Variants in COL5A1 observed in about 807,000 individuals in gnomAD.
The protein encoded by COL5A1 is collagen type V alpha 1 chain.
Under a neutral mutation model 263.7 loss-of-function variants are expected in COL5A1, and 16 were observed. The observed-to-expected ratio is 0.06, with a 90% CI of 0.04 to 0.09. The LOEUF is 0.09. Ranked by LOEUF, COL5A1 falls within the 10% of genes least tolerant of loss-of-function variation. The probability of loss-of-function intolerance (pLI) is 1.00; values close to 1 mark genes in which losing one functional copy is unlikely to be tolerated. For missense variants in COL5A1, 2,036 were observed against 2,540.5 expected (o/e 0.80, Z 4.27); for synonymous variants, 1,012 against 1,004.5 (o/e 1.01, Z -0.14).
intron 25 of COL5A1, among the ~76,000 whole-genome samples, chr9:134,768,668 C>T (rs773616806): frequency 2.6e-5 from 4 of 152,188 alleles, no homozygotes; most frequent in Non-Finnish European, 5.9e-5. Flanking sequence ...TTTTAATCAA[C>T]GAGTGGCGAT....
chr9:134,720,649 C>T (rs993059932), intron 4 of COL5A1, among the ~76,000 whole-genome samples: 9 of 152,098 alleles, frequency 5.9e-5, no homozygotes, highest in Admixed American at 1.3e-4. Flanking sequence ...TCGTGAGCTT[C>T]GGGCAGAGCT....
At chr9:134,724,970 C>T (rs1236998895) in intron 4 of COL5A1, among the ~76,000 whole-genome samples, 1 of 152,118 alleles carries the variant, frequency 6.6e-6, no homozygotes, top group Non-Finnish European at 1.5e-5. Context: ...CCTGACCCTG[C>T]AGCCCGCTGG....
intron 4 of COL5A1, among the ~76,000 whole-genome samples, chr9:134,723,393 T>A (rs547590109): frequency 5.9e-5 from 9 of 152,316 alleles, no homozygotes; most frequent in African/African-American, 2.2e-4. Context: ...CTGGGCCTGA[T>A]GCCTGCAGGG....
At position 134,790,605 on chromosome 9, in the gene COL5A1, C is replaced by CCCACCCAT. The variant is rs775802212; in HGVS notation, c.2700+1400_2700+1401insCCCATCCA. On this transcript the variant is annotated intron_variant, in intron 32 of 65. Coordinates refer to ENST00000371817, the MANE Select transcript of COL5A1 (RefSeq NM_000093.5). ...ATCCATCCATCTATCCATCCACCCA[C>CCCACCCAT]CCATCCATCCATCCATCCATCCATC... 3.1e-3 allele frequency among the ~76,000 whole-genome samples: 264 copies of CCCACCCAT among 84,538 alleles called. 5 individuals are homozygous for CCCACCCAT. The highest frequency in any genetic ancestry group is 0.014 in the African/African-American group (243 of 17,140). The allele number at this position is 84,538 out of a possible 152,430, so 55.5% of individuals were successfully genotyped here.
At chr9:134,729,571 A>T (rs147984305) in intron 6 of COL5A1, among the ~76,000 whole-genome samples, 257 of 40,700 alleles carry the variant, frequency 6.3e-3, no homozygotes, top group South Asian at 0.014. Flanking sequence ...TGTGTGTGTG[A>T]GCGTGTGTGA....
intron 42 of COL5A1, among the ~76,000 whole-genome samples, chr9:134,807,547 C>G (rs985788516): frequency 2.6e-5 from 4 of 152,208 alleles, no homozygotes; most frequent in Non-Finnish European, 4.4e-5. Flanking sequence ...CCCGCCTCAG[C>G]CTCCCAAGGT....
At chr9:134,720,653 C>T (rs1037836914) in intron 4 of COL5A1, among the ~76,000 whole-genome samples, 1 of 152,152 alleles carries the variant, frequency 6.6e-6, no homozygotes, top group Non-Finnish European at 1.5e-5. Context: ...GAGCTTCGGG[C>T]AGAGCTGTGT....
At chr9:134,781,249 T>A (rs976449032) in intron 28 of COL5A1, among the ~76,000 whole-genome samples, 7 of 152,260 alleles carry the variant, frequency 4.6e-5, no homozygotes, top group African/African-American at 1.7e-4. Flanking sequence ...GTTCTTAGTG[T>A]CTGCCCTTGT....
chr9:134,747,855 A>G (rs111163487), intron 11 of COL5A1, among the ~76,000 whole-genome samples: 81 of 147,306 alleles, frequency 5.5e-4, no homozygotes, highest in Middle Eastern at 3.7e-3. Flanking sequence ...GCACACATGC[A>G]TTCATACACA....
At chr9:134,759,797 A>C (rs1588513373) in intron 18 of COL5A1, among the ~76,000 whole-genome samples, 1 of 86,732 alleles carries the variant, frequency 1.2e-5, no homozygotes, top group Non-Finnish European at 2.4e-5. Flanking sequence ...ATGCACACAC[A>C]CCACACATGC....
intron 4 of COL5A1, among the ~76,000 whole-genome samples, chr9:134,714,790 G>T (rs2132607264): frequency 8.2e-6 from 1 of 121,924 alleles, no homozygotes; most frequent in Middle Eastern, 5.6e-3. Flanking sequence ...GGTGGTGGAG[G>T]TGATTGTGGT....
chr9:134,822,031 AG>A (rs2132874233), intron 58 of COL5A1, 65 bp from the exon 59 acceptor site: 1 of 1,407,160 alleles, frequency 7.1e-7, no homozygotes, highest in Non-Finnish European at 1.0e-6. Context: ...GCTGGGTAGC[AG>A]GGTTGCAGCC....
intron 39 of COL5A1, among the ~76,000 whole-genome samples, chr9:134,804,123 GAAGA>G (rs944712600): frequency 2.0e-5 from 3 of 152,084 alleles, no homozygotes; most frequent in African/African-American, 7.2e-5. Context: ...TGAAGCAAAT[GAAGA>G]AATACTGAAA....
At position 134,703,261 on chromosome 9, in the gene COL5A1, C is replaced by T. The variant is rs139692914; in HGVS notation, c.654+1928C>T. ...GCTATTGAGACACACCCTCCGGGCA[C>T]ACTTCTGAACAGACCTGCCTAGGCG... On this transcript the variant is annotated intron_variant, in intron 4 of 65. Coordinates refer to ENST00000371817, the MANE Select transcript of COL5A1 (RefSeq NM_000093.5). Among the ~76,000 whole-genome samples the T allele has an allele frequency of 4.7e-3, 711 of 152,326 alleles. 6 individuals carry two copies. Among genetic ancestry groups the T allele is most frequent in the Middle Eastern group, 0.01 (3 of 294 alleles).
chr9:134,652,100 G>A lies in COL5A1; in HGVS notation c.109+9804G>A, dbSNP rs1232429311. Among the ~76,000 whole-genome samples, 1 of 152,152 alleles carries A rather than the reference G, an allele frequency of 6.6e-6. No individual in the cohort carries two copies. The highest frequency in any genetic ancestry group is 1.5e-5 in the Non-Finnish European group (1 of 68,022). ...ACAGAGTGTTCCCGCGGTCGAGGTGGGGTGAAGGGCGTTCTCGAGGGAAGG... is the reference window on the plus strand; with the variant it reads ...ACAGAGTGTTCCCGCGGTCGAGGTGAGGTGAAGGGCGTTCTCGAGGGAAGG... On this transcript the variant is annotated intron_variant, in intron 1 of 65. Coordinates refer to ENST00000371817, the MANE Select transcript of COL5A1 (RefSeq NM_000093.5). The surrounding 1 kb of genome is among the most constrained non-coding windows in gnomAD (Gnocchi z 4.4).
chr9:134,753,352 G>A (rs1323142945), intron 14 of COL5A1, among the ~76,000 whole-genome samples: 5 of 152,170 alleles, frequency 3.3e-5, no homozygotes, highest in African/African-American at 1.2e-4. Context: ...CTGGGGAGGA[G>A]TGTGGGTTTG....
chr9:134,733,929 G>T (rs1834997706), intron 9 of COL5A1, among the ~76,000 whole-genome samples: 1 of 152,240 alleles, frequency 6.6e-6, no homozygotes, highest in South Asian at 2.1e-4. Flanking sequence ...GGGGGTCCTT[G>T]CTCGGGGAGG....
At chr9:134,769,379 C>G (rs1406220055) in intron 25 of COL5A1, among the ~76,000 whole-genome samples, 1 of 152,240 alleles carries the variant, frequency 6.6e-6, no homozygotes, top group Non-Finnish European at 1.5e-5. Context: ...CCGTGGTCAC[C>G]TGGCCACATG....
chr9:134,763,641 T>G, intron 19 of COL5A1, 52 bp from the exon 20 acceptor site: 1 of 1,576,678 alleles, frequency 6.3e-7, no homozygotes, highest in Non-Finnish European at 8.7e-7. Flanking sequence ...GGGAAGCTGG[T>G]GTCCAGGCTA....
Sources: gnomAD v4.1 joint callset for allele counts (sites outside exome capture counted in the v4.1 genomes callset) on GRCh38, gnomAD v4.1.1 for gene constraint, Gnocchi (gnomAD v3.1) non-coding constraint, MANE v1.5 for transcripts, NCBI Gene and HGNC (gene_info 2026-07-23, HGNC 2026-07-21) for gene names.